Variants in NAALADL2 observed in about 807,000 individuals in gnomAD.
NAALADL2 encodes N-acetylated alpha-linked acidic dipeptidase like 2, also known as inactive N-acetylated-alpha-linked acidic dipeptidase-like protein 2.
Under a neutral mutation model 87.2 loss-of-function variants are expected in NAALADL2, and 76 were observed. The ratio of observed to expected loss-of-function variants is 0.87; its 90% CI spans 0.72 to 1.05. NAALADL2 has a LOEUF of 1.05. Ranked by LOEUF, NAALADL2 falls within the 50% of genes least tolerant of loss-of-function variation. The pLI is 0.00. For missense variants in NAALADL2, 1,089 were observed against 945.8 expected (o/e 1.15, Z -1.99); for synonymous variants, 354 against 331.0 (o/e 1.07, Z -0.75).
chr3:174,990,304 G>C (rs1444897457), intron 1 of NAALADL2, among the ~76,000 whole-genome samples: 1 of 152,088 alleles, frequency 6.6e-6, no homozygotes, highest in East Asian at 1.9e-4. Flanking sequence ...CTAGTCTGCT[G>C]TCACATCATC....
Position 174,447,795 on chromosome 3 carries a change from A to G in NAALADL2, c.-184+6763A>G, listed in dbSNP as rs531045536. On this transcript the variant is annotated intron_variant, in intron 1 of 3. Transcript: ENST00000434257. Reference sequence around the variant, plus strand: ...ACACCACTGCACTCCAGCCGGGGCAACAGAGCGAGACTCTGTCTCAAAAAA... The same window carrying G: ...ACACCACTGCACTCCAGCCGGGGCAGCAGAGCGAGACTCTGTCTCAAAAAA... Among the ~76,000 whole-genome samples, 326 of 152,280 alleles carry G rather than the reference A, an allele frequency of 2.1e-3. 4 individuals are homozygous for G. The highest frequency in any genetic ancestry group is 7.6e-3 in the African/African-American group (317 of 41,570).
At chr3:175,529,742 G>A (rs142600825) in intron 9 of NAALADL2, among the ~76,000 whole-genome samples, 51 of 152,308 alleles carry the variant, frequency 3.3e-4, no homozygotes, top group African/African-American at 1.2e-3. Context: ...CTTGGTCAGA[G>A]GCAATGCTGT....
intron 9 of NAALADL2, 102 bp downstream of exon 9, chr3:175,471,860 A>G (rs1203151786): frequency 1.0e-6 from 1 of 954,498 alleles, no homozygotes. Context: ...ATATGCATCA[A>G]ATGTTGTATA....
upstream of NAALADL2, among the ~76,000 whole-genome samples, chr3:174,855,380 A>C (rs868220589): frequency 4.6e-5 from 7 of 152,206 alleles, no homozygotes; most frequent in Middle Eastern, 3.4e-3. Context: ...TCAGTGCATG[A>C]CTATGGTGTA....
rs370119641 is a variant in NAALADL2, at chr3:175,667,141, AAG to A, written c.1896+39769_1896+39770del. 5.3e-3 allele frequency among the ~76,000 whole-genome samples: 783 copies of A among 146,378 alleles called. 7 individuals are homozygous for A. The highest frequency in any genetic ancestry group is 0.016 in the African/African-American group (593 of 38,166). ...AGAGAGAGAGAAAAAGAAAGAAAGA[AAG>A]AGAGAGAGAGAGAAAGAAAAAGAAA... On this transcript the variant is annotated intron_variant, in intron 11 of 13. Coordinates refer to ENST00000454872, the MANE Select transcript of NAALADL2 (RefSeq NM_207015.3).
At chr3:175,618,820 T>C (rs1052006435) in intron 10 of NAALADL2, among the ~76,000 whole-genome samples, 2 of 152,162 alleles carry the variant, frequency 1.3e-5, no homozygotes, top group African/African-American at 4.8e-5. Context: ...CACACTTACC[T>C]ACACCGTGCC....
chr3:175,346,578 T>G (rs1472034497), intron 5 of NAALADL2, among the ~76,000 whole-genome samples: 1 of 151,554 alleles, frequency 6.6e-6, no homozygotes, highest in African/African-American at 2.4e-5. Flanking sequence ...GGGTCAACAT[T>G]ATGTTTATTA....
chr3:174,485,232 G>A (rs1431407647), intron 1 of NAALADL2, among the ~76,000 whole-genome samples: 1 of 151,940 alleles, frequency 6.6e-6, no homozygotes, highest in African/African-American at 2.4e-5. Flanking sequence ...GGTATTATAA[G>A]TAATCTACTG....
At chr3:175,139,082 A>G (rs570265914) in intron 2 of NAALADL2, among the ~76,000 whole-genome samples, 2 of 151,766 alleles carry the variant, frequency 1.3e-5, no homozygotes, top group Non-Finnish European at 2.9e-5. Context: ...AAACACAAGT[A>G]GAACTCTTAC....
chr3:174,798,410 G>T (rs530502878), intron 3 of NAALADL2, among the ~76,000 whole-genome samples: 139 of 152,228 alleles, frequency 9.1e-4, no homozygotes, highest in Middle Eastern at 3.4e-3. Flanking sequence ...GGCCTCTTCT[G>T]GGTGTATTGA....
chr3:175,223,580 A>G (rs1381648011), intron 2 of NAALADL2, among the ~76,000 whole-genome samples: 2 of 152,198 alleles, frequency 1.3e-5, no homozygotes, highest in Non-Finnish European at 2.9e-5. Context: ...ATGAAAAACT[A>G]TACAATGAAG....
Position 174,599,760 on chromosome 3 carries a change from A to C in NAALADL2, c.-115+49123A>C, listed in dbSNP as rs1443873896. On this transcript the variant is annotated intron_variant, in intron 2 of 3. Transcript: ENST00000434257. ...TCTCCTTCCCCTGCCGTAAAACAGA[A>C]CTATGTATGATAATTCTTCTCTAGG... Among the ~76,000 whole-genome samples, 5 of 152,148 alleles carry C rather than the reference A, an allele frequency of 3.3e-5. No homozygotes were observed. In the East Asian group the frequency reaches 9.6e-4, roughly 29 times the overall value.
chr3:174,636,080 A>G (rs2108713664), intron 2 of NAALADL2, among the ~76,000 whole-genome samples: 1 of 152,288 alleles, frequency 6.6e-6, no homozygotes, highest in African/African-American at 2.4e-5. Flanking sequence ...AAGGCTGAAC[A>G]AAATACTCAA....
At chr3:174,984,610 C>G (rs1218898413) in intron 1 of NAALADL2, among the ~76,000 whole-genome samples, 3 of 152,014 alleles carry the variant, frequency 2.0e-5, no homozygotes, top group African/African-American at 7.2e-5. Context: ...TTGAACACAT[C>G]TGAAATGGGG....
intron 2 of NAALADL2, among the ~76,000 whole-genome samples, chr3:174,720,695 G>A (rs1731634761): frequency 1.3e-5 from 2 of 152,140 alleles, no homozygotes; most frequent in Non-Finnish European, 2.9e-5. Flanking sequence ...GAATGCAGAT[G>A]GGACAGCTGT....
chr3:175,380,774 A>G lies in NAALADL2; in HGVS notation c.1090+56449A>G, dbSNP rs1471018481. Among the ~76,000 whole-genome samples the G allele has an allele frequency of 2.0e-5, 3 of 152,174 alleles. No individual in the cohort carries two copies. In the East Asian group the frequency reaches 5.8e-4, roughly 29 times the overall value. ...TCTGAAAGTATATATTACAGATGCCATTTAACTACATGTCTTTGCCTATGA... is the reference window on the plus strand; with the variant it reads ...TCTGAAAGTATATATTACAGATGCCGTTTAACTACATGTCTTTGCCTATGA... On this transcript the variant is annotated intron_variant, in intron 5 of 13. Transcript: ENST00000454872.
At chr3:175,243,148 A>G (rs1164148572) in intron 3 of NAALADL2, among the ~76,000 whole-genome samples, 2 of 143,832 alleles carry the variant, frequency 1.4e-5, no homozygotes, top group Non-Finnish European at 3.0e-5. Flanking sequence ...CCTATGAACC[A>G]CCTTTTGCCA....
intron 10 of NAALADL2, among the ~76,000 whole-genome samples, chr3:175,596,313 G>A (rs1722237444): frequency 6.6e-6 from 1 of 151,836 alleles, no homozygotes; most frequent in Non-Finnish European, 1.5e-5. Flanking sequence ...CCAGATGGTG[G>A]TTTGCTTATA....
intron 4 of NAALADL2, among the ~76,000 whole-genome samples, chr3:175,298,409 G>T (rs1034992642): frequency 6.6e-6 from 1 of 152,012 alleles, no homozygotes; most frequent in Non-Finnish European, 1.5e-5. Flanking sequence ...TCACTTTTCA[G>T]GAATCTGATA....
Sources: gnomAD v4.1 joint callset for allele counts (sites outside exome capture counted in the v4.1 genomes callset) on GRCh38, gnomAD v4.1.1 for gene constraint, MANE v1.5 for transcripts, NCBI Gene and HGNC (gene_info 2026-07-23, HGNC 2026-07-21) for gene names.